Variants in GPC6 observed in about 807,000 individuals in gnomAD.
The protein encoded by GPC6 is glypican 6, also known as glypican-6.
Under a neutral mutation model 55.2 loss-of-function variants are expected in GPC6, and 14 were observed. The observed-to-expected ratio is 0.25, with a 90% CI of 0.17 to 0.40. GPC6 has a LOEUF of 0.40. GPC6 is among the 10% of genes least tolerant of loss of function. The pLI is 1.00. For missense variants in GPC6, 641 were observed against 708.5 expected, an observed-to-expected ratio of 0.90 and a Z score of 1.08; for synonymous variants, 278 against 259.6, an observed-to-expected ratio of 1.07 and a Z score of -0.68.
chr13:93,801,486 C>A (rs997542652), intron 2 of GPC6, among the ~76,000 whole-genome samples: 13 of 151,976 alleles, frequency 8.6e-5, no homozygotes, highest in African/African-American at 3.1e-4. Flanking sequence ...AATGTCTGAC[C>A]CCTGAAGCAG....
intron 8 of GPC6, among the ~76,000 whole-genome samples, chr13:94,400,626 G>A (rs536806794): frequency 1.3e-5 from 2 of 152,120 alleles, no homozygotes; most frequent in South Asian, 4.2e-4. Context: ...CTCTAATTGT[G>A]TCTTTCTCAT....
chr13:93,747,317 C>T (rs1382301703), intron 2 of GPC6, among the ~76,000 whole-genome samples: 5 of 152,156 alleles, frequency 3.3e-5, no homozygotes, highest in Non-Finnish European at 7.4e-5. Context: ...CAGGCAGCTA[C>T]AGGACGCTCT....
At chr13:93,447,250 C>A (rs998539734) in intron 1 of GPC6, among the ~76,000 whole-genome samples, 106 of 152,240 alleles carry the variant, frequency 7.0e-4, no homozygotes, top group African/African-American at 2.4e-3. Context: ...TATGGAATTT[C>A]TCTTCTATTA....
In GPC6 at chr13:94,278,025, G is replaced by A. The variant is rs897296653; in HGVS notation, c.878-8324G>A. On this transcript the variant is annotated intron_variant, in intron 4 of 8. Transcript: ENST00000377047. Reference sequence around the variant, plus strand: ...GCAGTGAATCTATAAATTACTGTGGGCAGTATGGCCATTTTCATGATATTG... The same window carrying A: ...GCAGTGAATCTATAAATTACTGTGGACAGTATGGCCATTTTCATGATATTG... Among the ~76,000 whole-genome samples, 4 of 152,164 alleles carry A rather than the reference G, an allele frequency of 2.6e-5. No homozygotes were observed. In the East Asian group the frequency reaches 5.8e-4, roughly 22 times the overall value.
chr13:94,315,981 G>C (rs1021358602), intron 6 of GPC6, among the ~76,000 whole-genome samples: 1 of 151,854 alleles, frequency 6.6e-6, no homozygotes, highest in Admixed American at 6.6e-5. Context: ...TTTAGTGTTA[G>C]TATATCTTAT....
At chr13:94,270,904 T>TC (rs1891975113) in intron 4 of GPC6, among the ~76,000 whole-genome samples, 1 of 149,426 alleles carries the variant, frequency 6.7e-6, no homozygotes, top group Non-Finnish European at 1.5e-5. Context: ...TGGCTGCAGT[T>TC]CCCAGGGGCA....
At position 94,202,023 on chromosome 13, in the gene GPC6, G is replaced by C. The variant is rs191021582; in HGVS notation, c.878-84326G>C. Among the ~76,000 whole-genome samples the C allele has an allele frequency of 4.2e-3, 638 of 152,170 alleles. 4 individuals are homozygous for C. Among genetic ancestry groups the C allele is most frequent in the African/African-American group, 0.014 (593 of 41,524 alleles). On this transcript the variant is annotated intron_variant, in intron 4 of 8. Coordinates refer to ENST00000377047, the MANE Select transcript of GPC6 (RefSeq NM_005708.5). ...ACCTTGATAATTCTCTGAATACTGG[G>C]TTCTGAAATGGTAATAGTTTTCTCA...
intron 4 of GPC6, among the ~76,000 whole-genome samples, chr13:94,274,981 A>G (rs2139069801): frequency 6.6e-6 from 1 of 152,324 alleles, no homozygotes; most frequent in Non-Finnish European, 1.5e-5. Flanking sequence ...GGCATTTGTG[A>G]TGGTGTTCAT....
chr13:93,805,231 C>T (rs184986161), intron 2 of GPC6, among the ~76,000 whole-genome samples: 49 of 152,176 alleles, frequency 3.2e-4, no homozygotes, highest in South Asian at 8.3e-4. Flanking sequence ...GATTTTCTAA[C>T]TAATCTCTAT....
chr13:93,826,503 G>C (rs1290614959), intron 2 of GPC6, among the ~76,000 whole-genome samples: 1 of 151,916 alleles, frequency 6.6e-6, no homozygotes, highest in Non-Finnish European at 1.5e-5. Flanking sequence ...TTTTTAATAG[G>C]AAATGTCTCT....
At chr13:93,606,054 A>G (rs2139531744) in intron 2 of GPC6, among the ~76,000 whole-genome samples, 1 of 152,218 alleles carries the variant, frequency 6.6e-6, no homozygotes, top group Admixed American at 6.5e-5. Context: ...CAACATATAT[A>G]AGCACCCAGT....
chr13:93,261,584 A>C (rs1416991802), intron 1 of GPC6, among the ~76,000 whole-genome samples: 3 of 152,316 alleles, frequency 2.0e-5, no homozygotes, highest in Admixed American at 1.3e-4. Flanking sequence ...CTTTGCATGG[A>C]ATAAAAGAGA....
chr13:93,406,387 G>A (rs932258126), intron 1 of GPC6, among the ~76,000 whole-genome samples: 15 of 152,222 alleles, frequency 9.9e-5, no homozygotes, highest in African/African-American at 3.4e-4. Context: ...TGTTGGTAGC[G>A]CCTGGATGGA....
At chr13:93,723,080 T>C (rs1883505341) in intron 2 of GPC6, among the ~76,000 whole-genome samples, 1 of 152,014 alleles carries the variant, frequency 6.6e-6, no homozygotes, top group African/African-American at 2.4e-5. Flanking sequence ...CATACATTTC[T>C]ATTTGACAAC....
chr13:93,906,152 TTCTC>T (rs1276699646), intron 3 of GPC6, among the ~76,000 whole-genome samples: 3 of 151,970 alleles, frequency 2.0e-5, no homozygotes, highest in African/African-American at 4.8e-5. Flanking sequence ...AAGTTTGTCT[TTCTC>T]TCTCATTCTC....
chr13:93,958,920 T>C (rs1879634591), intron 3 of GPC6, among the ~76,000 whole-genome samples: 1 of 152,116 alleles, frequency 6.6e-6, no homozygotes, highest in Admixed American at 6.5e-5. Flanking sequence ...TCAAAGTAAT[T>C]CAGTTTCTTC....
rs189591620 is a variant in GPC6 at position 94,307,385 on chromosome 13, T to C, written c.1152+1262T>C. Among the ~76,000 whole-genome samples the C allele has an allele frequency of 5.9e-5, 9 of 152,250 alleles. No individual in the cohort carries two copies. In the East Asian group the frequency reaches 1.2e-3, roughly 20 times the overall value. ...AGGCTGGAGTGCAGTGTCATGATCA[T>C]GGCTCACTGCAAACTTGACCTGCTG... On this transcript the variant is annotated intron_variant, in intron 6 of 8. Coordinates refer to ENST00000377047, the MANE Select transcript of GPC6 (RefSeq NM_005708.5).
At chr13:93,985,246 A>G (rs183256175) in intron 3 of GPC6, among the ~76,000 whole-genome samples, 236 of 152,126 alleles carry the variant, frequency 1.6e-3, no homozygotes, top group Non-Finnish European at 2.8e-3. Flanking sequence ...CATCCTGGCC[A>G]ACCAACATGG....
chr13:94,027,920 G>A (rs1443847526), intron 4 of GPC6, 26 bp downstream of exon 4: 2 of 1,604,120 alleles, frequency 1.2e-6, no homozygotes, highest in Non-Finnish European at 1.7e-6. Flanking sequence ...ATGGATCCGA[G>A]AACAGAGACG....
Sources: allele counts gnomAD v4.1 joint callset (sites outside exome capture counted in the v4.1 genomes callset), GRCh38; gene constraint gnomAD v4.1.1; transcripts MANE v1.5; gene names NCBI Gene and HGNC (gene_info 2026-07-23, HGNC 2026-07-21).